Variants in LRRC4C observed in about 807,000 individuals in gnomAD.
LRRC4C encodes the protein leucine rich repeat containing 4C.
LRRC4C carries 5 observed loss-of-function variants against 33.6 expected under a neutral mutation model. The observed-to-expected ratio is 0.15, with a 90% CI of 0.08 to 0.31. The LOEUF (loss-of-function observed/expected upper bound fraction) is 0.31. Among genes scored for constraint, LRRC4C ranks in the 10% least tolerant of loss-of-function variants. The pLI is 1.00. For missense variants in LRRC4C, 560 were observed against 796.7 expected (o/e 0.70, Z 3.58); for synonymous variants, 329 against 302.0 (o/e 1.09, Z -0.93).
chr11:40,990,231 T>TTATATATATATA (rs761772952), intron 1 of LRRC4C, among the ~76,000 whole-genome samples: 100 of 78,206 alleles, frequency 1.3e-3, no homozygotes, highest in Middle Eastern at 0.01. Context: ...ATGTCAAGTT[T>TTATATATATATA]TATATATATA....
intron 2 of LRRC4C, among the ~76,000 whole-genome samples, chr11:40,656,877 G>A (rs1217596291): frequency 1.3e-5 from 2 of 152,060 alleles, no homozygotes; most frequent in Non-Finnish European, 2.9e-5. Flanking sequence ...TTGGTAAATT[G>A]AGCATTGTAG....
At chr11:40,994,839 C>A (rs1429309733) in intron 1 of LRRC4C, among the ~76,000 whole-genome samples, 7 of 151,442 alleles carry the variant, frequency 4.6e-5, no homozygotes, top group African/African-American at 1.7e-4. Context: ...ACTTCATCAA[C>A]CTTTTCCCCC....
intron 4 of LRRC4C, among the ~76,000 whole-genome samples, chr11:40,252,007 T>C (rs2136186441): frequency 6.6e-6 from 1 of 152,302 alleles, no homozygotes; most frequent in Non-Finnish European, 1.5e-5. Context: ...ACTTATATTC[T>C]ATGCATTTAC....
At chr11:40,306,285 A>C (rs1945025927) in intron 4 of LRRC4C, among the ~76,000 whole-genome samples, 3 of 152,186 alleles carry the variant, frequency 2.0e-5, no homozygotes, top group African/African-American at 7.2e-5. Flanking sequence ...AAATCTCAAA[A>C]TATGGTGTGA....
intron 3 of LRRC4C, among the ~76,000 whole-genome samples, chr11:40,608,077 A>C (rs977843509): frequency 1.3e-5 from 2 of 152,208 alleles, no homozygotes; most frequent in South Asian, 4.1e-4. Context: ...GCTTTCTTAT[A>C]ATTTAAATAT....
chr11:40,888,771 G>C (rs1166808315), intron 2 of LRRC4C, among the ~76,000 whole-genome samples: 1 of 151,854 alleles, frequency 6.6e-6, no homozygotes, highest in Admixed American at 6.6e-5. Context: ...AAATATGTCC[G>C]AGATCTTTGA....
At chr11:41,435,175 A>G (rs1955383189) in intron 1 of LRRC4C, among the ~76,000 whole-genome samples, 1 of 152,142 alleles carries the variant, frequency 6.6e-6, no homozygotes, top group South Asian at 2.1e-4. Flanking sequence ...AGTAATACAG[A>G]GCTGCAGGAT....
chr11:40,742,940 C>T (rs534786550), intron 2 of LRRC4C, among the ~76,000 whole-genome samples: 1 of 152,106 alleles, frequency 6.6e-6, no homozygotes, highest in South Asian at 2.1e-4. Flanking sequence ...CATATCATAC[C>T]AGCATCAGAA....
intron 1 of LRRC4C, among the ~76,000 whole-genome samples, chr11:41,287,711 G>C (rs1949872640): frequency 6.6e-6 from 1 of 152,074 alleles, no homozygotes; most frequent in African/African-American, 2.4e-5. Context: ...ATAAAATTAT[G>C]TTTCTGCTCC....
chr11:40,850,216 C>A (rs2135734212), intron 2 of LRRC4C, among the ~76,000 whole-genome samples: 1 of 151,974 alleles, frequency 6.6e-6, no homozygotes, highest in African/African-American at 2.4e-5. Context: ...AGGGGCATTT[C>A]TGGTTTTTGG....
chr11:40,539,137 C>A (rs954103965), intron 3 of LRRC4C, among the ~76,000 whole-genome samples: 2 of 152,140 alleles, frequency 1.3e-5, no homozygotes, highest in Admixed American at 6.5e-5. Context: ...TATGATGCTG[C>A]TAATGTGACC....
intron 2 of LRRC4C, among the ~76,000 whole-genome samples, chr11:40,762,845 CTCTT>C (rs1375340612): frequency 2.6e-5 from 4 of 151,844 alleles, no homozygotes; most frequent in Admixed American, 2.6e-4. Flanking sequence ...CTACACCAAA[CTCTT>C]TCGAGATTTA....
intron 3 of LRRC4C, among the ~76,000 whole-genome samples, chr11:40,456,155 G>C (rs192067961): frequency 6.6e-5 from 10 of 152,070 alleles, no homozygotes; most frequent in Non-Finnish European, 1.2e-4. Context: ...CCTCTTTAGC[G>C]TATCAGTCCT....
intron 1 of LRRC4C, among the ~76,000 whole-genome samples, chr11:41,453,187 T>G (rs967089026): frequency 6.6e-6 from 1 of 152,166 alleles, no homozygotes; most frequent in African/African-American, 2.4e-5. Flanking sequence ...AGACTTTCAT[T>G]TCTTTACTTT....
At chr11:40,696,041 A>ATG (rs567120072) in intron 2 of LRRC4C, among the ~76,000 whole-genome samples, 20,840 of 143,568 alleles carry the variant, frequency 0.15, 1,669 homozygotes, top group African/African-American at 0.23. Flanking sequence ...GTATATATAT[A>ATG]TGTGTGTGTG....
In LRRC4C at chr11:40,127,125, A is replaced by G. The variant is rs567106229; in HGVS notation, c.-42-10791T>C. Among the ~76,000 whole-genome samples the G allele has an allele frequency of 6.6e-5, 10 of 151,742 alleles. No homozygotes were observed. The South Asian group carries it at 8.3e-4, about 13-fold the overall frequency. On this transcript the variant is annotated intron_variant, in intron 6 of 6. Coordinates refer to ENST00000528697, the MANE Select transcript of LRRC4C (RefSeq NM_001258419.2). The stretch of plus-strand genomic sequence containing the variant: ...AACCCCGTCTCTACTAAAAATACAA[A>G]AAGTAGCTGGGCATGGTGGTGGGCA...
At chr11:40,820,056 A>C (rs570115575) in intron 2 of LRRC4C, among the ~76,000 whole-genome samples, 8 of 152,206 alleles carry the variant, frequency 5.3e-5, no homozygotes, top group African/African-American at 1.9e-4. Context: ...GAAATCTAGC[A>C]TTGCTGTAGC....
intron 3 of LRRC4C, among the ~76,000 whole-genome samples, chr11:40,361,373 C>T (rs1947941419): frequency 1.3e-5 from 2 of 152,104 alleles, no homozygotes; most frequent in Non-Finnish European, 2.9e-5. Flanking sequence ...TCTTAGGATA[C>T]AAAATTTATG....
chr11:40,289,963 A>G (rs1944081938), intron 4 of LRRC4C, among the ~76,000 whole-genome samples: 1 of 152,090 alleles, frequency 6.6e-6, no homozygotes, highest in Non-Finnish European at 1.5e-5. Flanking sequence ...CACAGGGAGG[A>G]GGTGACACTA....
Sources: gnomAD v4.1 joint callset for allele counts (sites outside exome capture counted in the v4.1 genomes callset) on GRCh38, gnomAD v4.1.1 for gene constraint, MANE v1.5 for transcripts, NCBI Gene and HGNC (gene_info 2026-07-23, HGNC 2026-07-21) for gene names.